Variants in ATRX observed in about 807,000 individuals in gnomAD.
ATRX encodes the protein chromatin remodeler ATRX.
In ATRX, 12 loss-of-function variants were observed where a neutral mutation model predicts 172.6. That is an observed-to-expected ratio of 0.07 (90% confidence interval 0.04 to 0.11). The LOEUF (loss-of-function observed/expected upper bound fraction) is 0.11, where lower values mean the gene tolerates loss of function less well. ATRX is among the 10% of genes least tolerant of loss of function. The probability of loss-of-function intolerance (pLI) is 1.00; values close to 1 mark genes in which losing one functional copy is unlikely to be tolerated. For synonymous variants in ATRX, 674 were observed against 594.7 expected, an observed-to-expected ratio of 1.13 and a Z score of -1.94; for missense variants, 1,368 against 1,767.4, an observed-to-expected ratio of 0.77 and a Z score of 4.05.
intron 1 of ATRX, among the ~76,000 whole-genome samples, chrX:77,729,915 C>T (rs1206923142): frequency 1.8e-5 from 2 of 111,806 alleles, no homozygotes; most frequent in Non-Finnish European, 3.8e-5. Flanking sequence ...CCAGCCTGGG[C>T]AACAGAGCAA....
chrX:77,723,195 G>A (rs781921531), intron 1 of ATRX, among the ~76,000 whole-genome samples: 2 of 111,211 alleles, frequency 1.8e-5, no homozygotes, highest in South Asian at 7.7e-4. Flanking sequence ...GTTAGGGGTT[G>A]GGGGAGGGAT....
At chrX:77,602,081 G>C (rs1372463143) in intron 22 of ATRX, among the ~76,000 whole-genome samples, 1 of 111,715 alleles carries the variant, frequency 9.0e-6, no homozygotes, top group African/African-American at 3.2e-5. Flanking sequence ...ATAGCTTACT[G>C]CAACCTCGAA....
intron 22 of ATRX, among the ~76,000 whole-genome samples, chrX:77,601,780 T>G (rs2066686238): frequency 8.9e-6 from 1 of 111,864 alleles, no homozygotes; most frequent in African/African-American, 3.2e-5. Flanking sequence ...GAGAGAAAAT[T>G]TAGTAGTGAT....
intron 30 of ATRX, among the ~76,000 whole-genome samples, chrX:77,541,253 C>G (rs2063979913): frequency 8.9e-6 from 1 of 112,058 alleles, no homozygotes; most frequent in Non-Finnish European, 1.9e-5. Context: ...ATGCACCCTC[C>G]CAAGTCTAAA....
At chrX:77,680,904 A>C (rs1317910552) in intron 9 of ATRX, among the ~76,000 whole-genome samples, 1 of 111,575 alleles carries the variant, frequency 9.0e-6, no homozygotes, top group Non-Finnish European at 1.9e-5. Flanking sequence ...CCCAAACTTT[A>C]ATGTTCCTAG....
intron 27 of ATRX, among the ~76,000 whole-genome samples, chrX:77,582,674 A>G (rs2065868713): frequency 8.9e-6 from 1 of 112,064 alleles, no homozygotes; most frequent in African/African-American, 3.2e-5. Flanking sequence ...TACAACTGTT[A>G]CAGCAGAAAT....
intron 2 of ATRX, among the ~76,000 whole-genome samples, chrX:77,709,250 A>G (rs907243939): frequency 1.8e-5 from 2 of 112,217 alleles, no homozygotes; most frequent in African/African-American, 3.2e-5. Context: ...AAAAGAATTT[A>G]TTACTCATTA....
intron 26 of ATRX, among the ~76,000 whole-genome samples, chrX:77,591,716 C>T (rs2066263592): frequency 8.9e-6 from 1 of 112,026 alleles, no homozygotes; most frequent in African/African-American, 3.2e-5. Context: ...TGCTTTGACC[C>T]CTCAGTAGTT....
intron 1 of ATRX, among the ~76,000 whole-genome samples, chrX:77,760,239 A>G (rs2075663719): frequency 1.8e-5 from 2 of 108,537 alleles, no homozygotes; most frequent in Admixed American, 1.0e-4. Context: ...AAATCCTAAA[A>G]ACAACATTGA....
intron 1 of ATRX, among the ~76,000 whole-genome samples, chrX:77,765,859 C>T (rs782066857): frequency 1.8e-5 from 2 of 108,383 alleles, no homozygotes; most frequent in African/African-American, 6.7e-5. Flanking sequence ...TGTTTGTGTC[C>T]CTGGGTACTT....
intron 9 of ATRX, among the ~76,000 whole-genome samples, chrX:77,681,245 C>G (rs1049883423): frequency 9.0e-6 from 1 of 111,686 alleles, no homozygotes; most frequent in Non-Finnish European, 1.9e-5. Flanking sequence ...CTCATTACTC[C>G]AGAGAAAAGC....
Position 77,786,209 on chromosome X carries a change from G to C in ATRX, c.-208C>G. ...ACACCGCTGCCGCCGCCATTTTGTT[G>C]GGCCGAGGCTCAGGCAGGAGAATTG... On this transcript the variant is annotated 5_prime_UTR_variant, in exon 1 of 35. Transcript: ENST00000373344. The C allele has an allele frequency of 2.3e-6, 1 of 428,422 alleles. No individual in the cohort carries two copies. Among genetic ancestry groups the C allele is most frequent in the East Asian group, 4.0e-5 (1 of 24,941 alleles). 35.3% of individuals were successfully genotyped at this position (428,422 alleles called of 1,213,427 possible).
intron 12 of ATRX, 69 bp from the exon 13 acceptor site, chrX:77,656,722 C>A: frequency 1.1e-6 from 1 of 870,582 alleles, no homozygotes; most frequent in Non-Finnish European, 1.6e-6. Flanking sequence ...CTTAATTTAC[C>A]ACTGACTCGA....
chrX:77,576,350 GA>G (rs1216029971), intron 27 of ATRX, among the ~76,000 whole-genome samples: 5 of 109,257 alleles, frequency 4.6e-5, no homozygotes, highest in East Asian at 2.8e-4. Context: ...AGTGATAATA[GA>G]AAAAAAATAT....
chrX:77,683,908 A>G lies in ATRX; in HGVS notation c.1348T>C (p.Cys450Arg), dbSNP rs781978045. ...ETKARKGEKP[C>R]ALEKKDISKS... ...GAAATATCCTTCTTTTCCAAAGCAC[A>G]AGGTTTTTCTCCTTTTCGTGCTTTT... Residue 450 changes from cysteine (C) to arginine (R), a missense_variant, in exon 9 of 35, where the codon TGT becomes CGT. By Grantham distance (180) the Cys-to-Arg change is radical. Coordinates refer to ENST00000373344, the MANE Select transcript of ATRX (RefSeq NM_000489.6). The G allele has an allele frequency of 2.5e-6, 3 of 1,209,218 alleles. No individual in the cohort carries two copies. Among genetic ancestry groups the G allele is most frequent in the Non-Finnish European group, 3.4e-6 (3 of 893,388 alleles).
intron 1 of ATRX, among the ~76,000 whole-genome samples, chrX:77,747,692 G>A (rs1557185750): frequency 9.0e-6 from 1 of 111,599 alleles, no homozygotes; most frequent in African/African-American, 3.3e-5. Flanking sequence ...CAATCTAATA[G>A]TAAAGACAAG....
rs1216723069 is a variant in ATRX, at chrX:77,652,159, T to C, written c.4512A>G (p.Arg1504=). ...CACGCTCCCTCTCAGCAATACGTTT[T>C]CGTCTCTCTTCCTCTTCCTTAAGAG... ...QNALKEEEER[R]KRIAERERER... The change falls in exon 15 of 35, where the codon CGA becomes CGG. Residue 1504 remains arginine (R), a synonymous_variant. Coordinates refer to ENST00000373344, the MANE Select transcript of ATRX (RefSeq NM_000489.6). 8 of 1,209,614 alleles carry C rather than the reference T, an allele frequency of 6.6e-6. No homozygotes were observed. Among genetic ancestry groups the C allele is most frequent in the Non-Finnish European group, 8.9e-6 (8 of 895,208 alleles).
At chrX:77,562,331 T>C (rs2065047443) in intron 28 of ATRX, among the ~76,000 whole-genome samples, 1 of 112,165 alleles carries the variant, frequency 8.9e-6, no homozygotes, top group African/African-American at 3.2e-5. Flanking sequence ...GAGAGTGTAA[T>C]TGCAAGGTTA....
intron 17 of ATRX, 125 bp downstream of exon 17, chrX:77,634,469 G>C (rs1980877463): frequency 1.8e-6 from 1 of 564,596 alleles, no homozygotes; most frequent in Non-Finnish European, 3.0e-6. Context: ...CTTGGAGACA[G>C]ATCTTGTTAT....
Sources: gnomAD v4.1 joint callset for allele counts (sites outside exome capture counted in the v4.1 genomes callset) on GRCh38, gnomAD v4.1.1 for gene constraint, MANE v1.5 for transcripts, NCBI Gene and HGNC (gene_info 2026-07-23, HGNC 2026-07-21) for gene names.